The following ERICH3 variants were observed in gnomAD, a reference collection of about 807,000 sequenced individuals.
ERICH3 encodes glutamate rich 3.
Under a neutral mutation model 131.1 loss-of-function variants are expected in ERICH3, and 126 were observed. That is an observed-to-expected ratio of 0.96 (90% CI 0.83 to 1.11). The LOEUF is 1.11. Ranked by LOEUF, ERICH3 falls within the 50% of genes most tolerant of loss-of-function variation. The probability of loss-of-function intolerance (pLI) is 0.00; values close to 1 mark genes in which losing one functional copy is unlikely to be tolerated. For synonymous variants in ERICH3, 695 were observed against 644.6 expected (o/e 1.08, Z -1.18); for missense variants, 2,050 against 1,810.7 (o/e 1.13, Z -2.40).
chr1:74,652,994 A>T (rs1646551132), intron 1 of ERICH3, among the ~76,000 whole-genome samples: 1 of 152,050 alleles, frequency 6.6e-6, no homozygotes, highest in Non-Finnish European at 1.5e-5. Flanking sequence ...CACACACCAC[A>T]TCCTTCAGGG....
intron 7 of ERICH3, among the ~76,000 whole-genome samples, chr1:74,628,607 T>A (rs1156812105): frequency 6.6e-6 from 1 of 151,478 alleles, no homozygotes; most frequent in Non-Finnish European, 1.5e-5. Context: ...TTGGGGGGAG[T>A]CAAAGTTTAT....
At chr1:74,599,608 G>C (rs1648023281) in intron 11 of ERICH3, 87 bp downstream of exon 11, 1 of 1,114,996 alleles carries the variant, frequency 9.0e-7, no homozygotes, top group Admixed American at 2.5e-5. Context: ...AAAAAAAAGA[G>C]GATTATCTCA....
Position 74,568,512 on chromosome 1 carries a change from T to C in ERICH3, c.*1946A>G, listed in dbSNP as rs975097383. On this transcript the variant is annotated 3_prime_UTR_variant, in exon 15 of 15. Coordinates refer to ENST00000326665, the MANE Select transcript of ERICH3 (RefSeq NM_001002912.5). ...CAGCTCAGTAATAAATGAACTTGAA[T>C]ATAATGTAGATGAAATCTACTCATA... 2 of 152,152 alleles carry C rather than the reference T, an allele frequency of 1.3e-5. No individual in the cohort carries two copies. Among genetic ancestry groups the C allele is most frequent in the African/African-American group, 4.8e-5 (2 of 41,440 alleles). 9.4% of individuals were successfully genotyped at this position (152,152 alleles called of 1,614,324 possible). A position where few individuals can be genotyped will look rare whatever the true frequency, so the allele number is the denominator to read the frequency against.
At chr1:74,628,913 A>T (rs1649501806) in intron 7 of ERICH3, among the ~76,000 whole-genome samples, 1 of 152,134 alleles carries the variant, frequency 6.6e-6, no homozygotes, top group Non-Finnish European at 1.5e-5. Flanking sequence ...TAGAGAATGG[A>T]TTTTCATTAT....
intron 1 of ERICH3, among the ~76,000 whole-genome samples, chr1:74,671,381 C>T (rs1007779353): frequency 6.6e-6 from 1 of 152,114 alleles, no homozygotes; most frequent in Non-Finnish European, 1.5e-5. Context: ...GATCTTTGTA[C>T]CTACTGTCTG....
chr1:74,600,073 A>G (rs1464917397), intron 10 of ERICH3, 142 bp from the exon 11 acceptor site: 1 of 597,428 alleles, frequency 1.7e-6, no homozygotes, highest in Non-Finnish European at 2.9e-6. Context: ...CAATTAGTGA[A>G]CATGGAAAAC....
chr1:74,633,507 G>T (rs1413283727), intron 6 of ERICH3, among the ~76,000 whole-genome samples: 3 of 151,846 alleles, frequency 2.0e-5, no homozygotes, highest in Non-Finnish European at 4.4e-5. Flanking sequence ...TCAATTACAT[G>T]CCTTCTTTGG....
intron 11 of ERICH3, among the ~76,000 whole-genome samples, chr1:74,591,511 C>T (rs1647603172): frequency 6.6e-6 from 1 of 152,112 alleles, no homozygotes; most frequent in African/African-American, 2.4e-5. Context: ...ACCAGTAGTC[C>T]AGGGCAGTCC....
At chr1:74,666,447 AGTAAG>A (rs1356306311) in intron 1 of ERICH3, among the ~76,000 whole-genome samples, 2 of 152,194 alleles carry the variant, frequency 1.3e-5, no homozygotes, top group African/African-American at 4.8e-5. Context: ...AAAGAGTCTC[AGTAAG>A]GTATGATTTT....
At chr1:74,670,306 C>A (rs1646729255) in intron 1 of ERICH3, among the ~76,000 whole-genome samples, 1 of 152,030 alleles carries the variant, frequency 6.6e-6, no homozygotes, top group African/African-American at 2.4e-5. Flanking sequence ...TAGGCTCCTG[C>A]ACATCTCAGT....
In ERICH3 at chr1:74,571,844, G is replaced by A. The variant is rs1646954074; in HGVS notation, c.3866C>T (p.Ala1289Val). ...TTCCTCCTCTGGGTCCTCATCCACC[G>A]CTTCCTCCCTGAACTTTTCTGCCAT... ...PIMAEKFREE[A>V]VDEDPEEEED... Residue 1289 changes from alanine (A) to valine (V), a missense_variant, in exon 14 of 15, where the codon GCG becomes GTG. Transcript: ENST00000326665. 2 of 1,612,122 alleles carry A rather than the reference G, an allele frequency of 1.2e-6. No homozygotes were observed. The highest frequency in any genetic ancestry group is 2.2e-5 in the East Asian group (1 of 44,874).
rs1180177339 is a variant in ERICH3, at chr1:74,643,080, T to C, written c.262A>G (p.Ile88Val). The stretch of plus-strand genomic sequence containing the variant: ...GCTAAGGTCTCCAATTTCTTTTTTA[T>C]TTCAAGCTGATGGTAACGCTAAGCA... ...LDMERYHQLE[I>V]KKKLETLARK... The change falls in exon 4 of 15, where the codon ATA (isoleucine) becomes GTA (valine). Residue 88 changes from isoleucine (I) to valine (V), a missense_variant. Coordinates refer to ENST00000326665, the MANE Select transcript of ERICH3 (RefSeq NM_001002912.5). 1.9e-6 allele frequency: 3 copies of C among 1,611,216 alleles called. No homozygotes were observed. The highest frequency in any genetic ancestry group is 2.2e-5 in the East Asian group (1 of 44,722).
chr1:74,590,106 T>G, intron 11 of ERICH3, 26 bp from the exon 12 acceptor site: 1 of 1,520,002 alleles, frequency 6.6e-7, no homozygotes, highest in Non-Finnish European at 8.9e-7. Flanking sequence ...GTGATGACAT[T>G]GTTGTTGTTC....
In ERICH3 at chr1:74,646,773, A is replaced by G. The variant is rs1168266413; in HGVS notation, c.137T>C (p.Ile46Thr). 1 of 1,484,594 alleles carries G rather than the reference A, an allele frequency of 6.7e-7. No individual in the cohort carries two copies. Among genetic ancestry groups the G allele is most frequent in the Non-Finnish European group, 9.2e-7 (1 of 1,091,368 alleles). 92.0% of individuals were successfully genotyped at this position (1,484,594 alleles called of 1,614,324 possible). A position where few individuals can be genotyped will look rare whatever the true frequency, so the allele number is the denominator to read the frequency against. ...TAGTTTATATTCTTTTTCAGAAAGTATTCTTCCACTTCTTGTGATCTGTCA... is the reference window on the plus strand; with the variant it reads ...TAGTTTATATTCTTTTTCAGAAAGTGTTCTTCCACTTCTTGTGATCTGTCA... ...RSGLITRSGR[I>T]LSEKEYKLNM... The change falls in exon 3 of 15, where the codon ATA becomes ACA. Residue 46 changes from isoleucine to threonine, a missense_variant. Physicochemically the swap from Ile to Thr is moderately conservative, Grantham distance 89. Transcript: ENST00000326665.
At position 74,612,681 on chromosome 1, in the gene ERICH3, C is replaced by T. The variant is rs1648753087; in HGVS notation, c.1129G>A (p.Gly377Arg). 3.1e-6 allele frequency: 5 copies of T among 1,596,154 alleles called. No individual in the cohort carries two copies. Among genetic ancestry groups the T allele is most frequent in the Non-Finnish European group, 4.3e-6 (5 of 1,166,726 alleles). The change falls in exon 9 of 15, where the codon GGA becomes AGA. Residue 377 changes from glycine (G) to arginine (R), a missense_variant. Transcript: ENST00000326665. ...EYKHRKGSRL[G>R]GKRGYFGFVC... ...AACCCAAAGTAGCCTCGTTTGCCTC[C>T]AAGCCTGGAACCTTTCCGATGCTTG... is the stretch of plus-strand genomic sequence containing the variant.
Position 74,571,605 on chromosome 1 carries a change from T to C in ERICH3, c.4105A>G (p.Lys1369Glu). The change falls in exon 14 of 15, where the codon AAA (lysine) becomes GAA (glutamate). Residue 1369 changes from lysine (K) to glutamate (E), a missense_variant. Coordinates refer to ENST00000326665, the MANE Select transcript of ERICH3 (RefSeq NM_001002912.5). The part of the protein sequence containing the change: ...VLAGSETAEE[K>E]TIANKASSFS... ...GAGGAGGCTTTATTTGCTATTGTTT[T>C]CTCCTCGGCTGTCTCCGAACCTGCC... 1 of 1,614,032 alleles carries C rather than the reference T, an allele frequency of 6.2e-7. No individual in the cohort carries two copies. Among genetic ancestry groups the C allele is most frequent in the Non-Finnish European group, 8.5e-7 (1 of 1,179,998 alleles).
rs769328385 is a variant in ERICH3, at chr1:74,572,082, G to T, written c.3628C>A (p.Gln1210Lys). The T allele has an allele frequency of 3.7e-6, 6 of 1,614,074 alleles. No homozygotes were observed. In the East Asian group the frequency reaches 8.9e-5, roughly 24 times the overall value. Reference sequence around the variant, plus strand: ...GCTGCTAAGGCCCCCTCTCCATCTTGGCGGTGCCCTTCCTTCAGGGCCCTA... The same window carrying T: ...GCTGCTAAGGCCCCCTCTCCATCTTTGCGGTGCCCTTCCTTCAGGGCCCTA... ...ENRALKEGHR[Q>K]DGEGALAAPE... Residue 1210 changes from glutamine to lysine, a missense_variant, in exon 14 of 15, where the codon CAA becomes AAA. Transcript: ENST00000326665.
In ERICH3 at chr1:74,652,217, A is replaced by G. The variant is rs143834078; in HGVS notation, c.24-2902T>C. Among the ~76,000 whole-genome samples the G allele has an allele frequency of 3.6e-4, 55 of 152,302 alleles. No individual in the cohort carries two copies. In the East Asian group the frequency reaches 9.5e-3, roughly 26 times the overall value. The stretch of plus-strand genomic sequence containing the variant: ...GTTTGATATCAAGAAATTGCTCTAA[A>G]GTAAATTATATACAGATTTGGTAAA... On this transcript the variant is annotated intron_variant, in intron 1 of 14. Coordinates refer to ENST00000326665, the MANE Select transcript of ERICH3 (RefSeq NM_001002912.5).
At chr1:74,634,169 A>T (rs1384360805) in intron 6 of ERICH3, among the ~76,000 whole-genome samples, 2 of 152,112 alleles carry the variant, frequency 1.3e-5, no homozygotes, top group Non-Finnish European at 1.5e-5. Context: ...CTGATTTTAT[A>T]TTAAATCATT....
Sources: allele counts gnomAD v4.1 joint callset (sites outside exome capture counted in the v4.1 genomes callset), GRCh38; gene constraint gnomAD v4.1.1; transcripts MANE v1.5; gene names NCBI Gene and HGNC (gene_info 2026-07-23, HGNC 2026-07-21).